The following BEND7 variants were observed in gnomAD, a reference collection of about 807,000 sequenced individuals.
BEND7 encodes the protein BEN domain containing 7, also known as BEN domain-containing protein 7.
In BEND7, 28 loss-of-function variants were observed where a neutral mutation model predicts 50.9. That is an observed-to-expected ratio of 0.55 (90% CI 0.41 to 0.75). The LOEUF (loss-of-function observed/expected upper bound fraction) is 0.75. Ranked by LOEUF, BEND7 falls within the 30% of genes least tolerant of loss-of-function variation. BEND7 has a pLI of 0.00. For synonymous variants in BEND7, 170 were observed against 183.9 expected, an observed-to-expected ratio of 0.92 and a Z score of 0.61; for missense variants, 477 against 491.3, an observed-to-expected ratio of 0.97 and a Z score of 0.28.
intron 3 of BEND7, among the ~76,000 whole-genome samples, chr10:13,497,735 T>C (rs1035798203): frequency 3.3e-5 from 5 of 152,238 alleles, no homozygotes; most frequent in Non-Finnish European, 1.5e-5. Flanking sequence ...CTCCAGCACC[T>C]GTTCACCTGA....
chr10:13,478,243 A>G (rs2075600039), intron 6 of BEND7, among the ~76,000 whole-genome samples: 1 of 152,140 alleles, frequency 6.6e-6, no homozygotes, highest in South Asian at 2.1e-4. Flanking sequence ...GGTTCATGAC[A>G]CTTCCAGGGA....
intron 6 of BEND7, among the ~76,000 whole-genome samples, chr10:13,466,665 A>G (rs754218742): frequency 1.3e-5 from 2 of 152,190 alleles, no homozygotes; most frequent in East Asian, 3.8e-4. Context: ...GGCTCAAGCA[A>G]CACAAAATTT....
chr10:13,489,596 G>A (rs1055876968), intron 5 of BEND7, among the ~76,000 whole-genome samples: 2 of 152,142 alleles, frequency 1.3e-5, no homozygotes, highest in African/African-American at 4.8e-5. Flanking sequence ...CTCTGCTCTT[G>A]AGAAGCTGGG....
At chr10:13,468,397 G>A (rs1484677766) in intron 6 of BEND7, among the ~76,000 whole-genome samples, 1 of 152,288 alleles carries the variant, frequency 6.6e-6, no homozygotes, top group East Asian at 1.9e-4. Flanking sequence ...CACAATGAAC[G>A]AGTGGTGCTT....
At chr10:13,518,722 A>C (rs2078872621) in intron 2 of BEND7, among the ~76,000 whole-genome samples, 1 of 152,210 alleles carries the variant, frequency 6.6e-6, no homozygotes, top group Admixed American at 6.5e-5. Context: ...TTTCTACTCT[A>C]GTATGTTACA....
At chr10:13,475,389 A>G (rs1186389534) in intron 6 of BEND7, among the ~76,000 whole-genome samples, 1 of 152,260 alleles carries the variant, frequency 6.6e-6, no homozygotes, top group Non-Finnish European at 1.5e-5. Flanking sequence ...CATTTAAACT[A>G]GAATTTGATT....
intron 4 of BEND7, among the ~76,000 whole-genome samples, chr10:13,493,095 T>TTACTGC (rs111676500): frequency 3.9e-4 from 60 of 152,344 alleles, no homozygotes; most frequent in African/African-American, 1.3e-3. Flanking sequence ...GGAGAAAGCG[T>TTACTGC]TACTGCAGGT....
At chr10:13,454,105 T>C (rs1199976098) in intron 6 of BEND7, among the ~76,000 whole-genome samples, 1 of 152,148 alleles carries the variant, frequency 6.6e-6, no homozygotes, top group African/African-American at 2.4e-5. Flanking sequence ...GTGACGCGTC[T>C]AGGGCCTCTC....
At chr10:13,473,241 C>T (rs922481228) in intron 6 of BEND7, among the ~76,000 whole-genome samples, 1 of 150,488 alleles carries the variant, frequency 6.6e-6, no homozygotes, top group African/African-American at 2.4e-5. Context: ...GGGCCGATAT[C>T]TGTCATCGCT....
At chr10:13,482,634 A>T (rs1449102813) in intron 5 of BEND7, among the ~76,000 whole-genome samples, 1 of 152,190 alleles carries the variant, frequency 6.6e-6, no homozygotes, top group South Asian at 2.1e-4. Flanking sequence ...CCAAAATAGA[A>T]CTTTTAACTG....
intron 6 of BEND7, among the ~76,000 whole-genome samples, chr10:13,474,225 C>T (rs955604639): frequency 6.6e-6 from 1 of 152,104 alleles, no homozygotes; most frequent in Non-Finnish European, 1.5e-5. Context: ...CGACATCCGT[C>T]ATCGCTGTTA....
chr10:13,467,672 C>A (rs1266922235), intron 6 of BEND7, among the ~76,000 whole-genome samples: 1 of 152,152 alleles, frequency 6.6e-6, no homozygotes, highest in Admixed American at 6.5e-5. Flanking sequence ...TATATTCTGC[C>A]TCCTTGAATT....
chr10:13,464,884 G>A (rs541397158), intron 6 of BEND7, among the ~76,000 whole-genome samples: 1 of 152,330 alleles, frequency 6.6e-6, no homozygotes, highest in Non-Finnish European at 1.5e-5. Flanking sequence ...ATCTTTAAAA[G>A]GGAGCTGGGA....
chr10:13,501,374 CAAAAAAA>C (rs58905816), intron 2 of BEND7, among the ~76,000 whole-genome samples: 1 of 72,948 alleles, frequency 1.4e-5, no homozygotes, highest in East Asian at 3.7e-4. Flanking sequence ...AACTCCATCT[CAAAAAAA>C]AAAAAAAAAA....
intron 5 of BEND7, among the ~76,000 whole-genome samples, chr10:13,483,122 TCAGA>T (rs2075983757): frequency 6.6e-6 from 1 of 152,176 alleles, no homozygotes; most frequent in African/African-American, 2.4e-5. Context: ...CTAGTGTGGT[TCAGA>T]CACTCTTAAT....
intron 2 of BEND7, chr10:13,500,823 C>T (rs953643193): frequency 2.0e-5 from 20 of 985,352 alleles, no homozygotes; most frequent in South Asian, 4.7e-5. Context: ...AGGTCACTGG[C>T]GGTACCAGCA....
chr10:13,498,010 T>C (rs1172770567), intron 3 of BEND7, among the ~76,000 whole-genome samples: 1 of 152,058 alleles, frequency 6.6e-6, no homozygotes, highest in Non-Finnish European at 1.5e-5. Context: ...AACTTTAAAA[T>C]TATAAATAAT....
In BEND7 at chr10:13,471,895, T is replaced by C. The variant is rs541854301; in HGVS notation, c.1063+9004A>G. ...TTGGGGTCAATACCCATCATCACTG[T>C]TAGACTTGAGGCCGATACCCGTCAT... On this transcript the variant is annotated intron_variant, in intron 6 of 8. Transcript: ENST00000466271. Among the ~76,000 whole-genome samples the C allele has an allele frequency of 1.2e-4, 18 of 152,352 alleles. No individual in the cohort carries two copies. The South Asian group carries it at 3.7e-3, about 32-fold the overall frequency.
chr10:13,451,807 T>G (rs11814379), intron 7 of BEND7, among the ~76,000 whole-genome samples: 1,365 of 129,416 alleles, frequency 0.011, 16 homozygotes, highest in African/African-American at 0.037. Context: ...CCCCTTCCTG[T>G]GTCCATGTGT....
Sources: gnomAD v4.1 joint callset for allele counts (sites outside exome capture counted in the v4.1 genomes callset) on GRCh38, gnomAD v4.1.1 for gene constraint, MANE v1.5 for transcripts, NCBI Gene and HGNC (gene_info 2026-07-23, HGNC 2026-07-21) for gene names.